Variants in COL21A1 observed in about 807,000 individuals in gnomAD.
COL21A1 encodes the protein collagen alpha-1(XXI) chain.
A neutral mutation model predicts 137.9 loss-of-function variants in COL21A1; 149 were observed. That is an observed-to-expected ratio of 1.08 (90% confidence interval 0.95 to 1.24). The LOEUF (loss-of-function observed/expected upper bound fraction) is 1.24. Among genes scored for constraint, COL21A1 ranks in the 50% most tolerant of loss-of-function variants. The pLI is 0.00. For missense variants in COL21A1, 1,167 were observed against 1,158.4 expected, an observed-to-expected ratio of 1.01 and a Z score of -0.11; for synonymous variants, 456 against 391.5, an observed-to-expected ratio of 1.16 and a Z score of -1.95.
chr6:56,166,670 A>G (rs549764119), intron 7 of COL21A1: 2 of 594,590 alleles, frequency 3.4e-6, no homozygotes, highest in Admixed American at 2.7e-5. Flanking sequence ...ACAAAACACA[A>G]CAAGAAAACA....
intron 1 of COL21A1, among the ~76,000 whole-genome samples, chr6:56,366,111 C>T (rs1766093327): frequency 6.6e-6 from 1 of 152,126 alleles, no homozygotes. Context: ...ATGGAGTTTA[C>T]TGGATTCCTT....
intron 1 of COL21A1, among the ~76,000 whole-genome samples, chr6:56,295,090 T>A (rs1485090949): frequency 1.3e-5 from 2 of 152,064 alleles, no homozygotes; most frequent in African/African-American, 2.4e-5. Context: ...ATGATCCATT[T>A]TGAGTTAATT....
At chr6:56,177,195 G>A (rs946761652) in intron 3 of COL21A1, among the ~76,000 whole-genome samples, 9 of 152,198 alleles carry the variant, frequency 5.9e-5, no homozygotes, top group Non-Finnish European at 1.2e-4. Context: ...ATCAGAGAAA[G>A]GAGAGTATTA....
intron 17 of COL21A1, among the ~76,000 whole-genome samples, chr6:56,094,072 C>G (rs1208864291): frequency 6.6e-6 from 1 of 152,106 alleles, no homozygotes; most frequent in African/African-American, 2.4e-5. Flanking sequence ...CCCAAATCAC[C>G]AAGTGCTGGC....
At chr6:56,081,642 G>A (rs530733229) in intron 17 of COL21A1, among the ~76,000 whole-genome samples, 3 of 151,764 alleles carry the variant, frequency 2.0e-5, no homozygotes, top group Admixed American at 1.3e-4. Flanking sequence ...ACTTACACTC[G>A]CAGTTGCCAG....
rs534350596 is a variant in COL21A1, at chr6:56,191,690, G to A, written c.-38-9034C>T. 4.5e-5 allele frequency among the ~76,000 whole-genome samples: 4 copies of A among 89,772 alleles called. No individual in the cohort carries two copies. In the South Asian group the frequency reaches 1.9e-3, roughly 43 times the overall value. The allele number at this position is 89,772 out of a possible 152,430, so 58.9% of individuals were successfully genotyped here. A position where few individuals can be genotyped will look rare whatever the true frequency, so the allele number is the denominator to read the frequency against. ...AATACCTAGGAATACAACTTACAAGGGAAGGACCTCTTCAAGAAGAACTAC... is the reference window on the plus strand; with the variant it reads ...AATACCTAGGAATACAACTTACAAGAGAAGGACCTCTTCAAGAAGAACTAC... On this transcript the variant is annotated intron_variant, in intron 1 of 29. Coordinates refer to ENST00000244728, the MANE Select transcript of COL21A1 (RefSeq NM_030820.4).
At chr6:56,386,029 A>T (rs2094017396) in intron 1 of COL21A1, among the ~76,000 whole-genome samples, 1 of 151,664 alleles carries the variant, frequency 6.6e-6, no homozygotes, top group Admixed American at 6.6e-5. Context: ...CTTCCCTGTT[A>T]TGTAAAACAG....
chr6:56,119,607 C>T (rs1772271277), intron 16 of COL21A1, among the ~76,000 whole-genome samples: 1 of 152,010 alleles, frequency 6.6e-6, no homozygotes, highest in South Asian at 2.1e-4. Context: ...CAAAGCTATC[C>T]TAAGCATAAG....
At chr6:56,388,001 G>A (rs1469701328) in intron 1 of COL21A1, among the ~76,000 whole-genome samples, 1 of 152,160 alleles carries the variant, frequency 6.6e-6, no homozygotes, top group Non-Finnish European at 1.5e-5. Context: ...CTCCAAGAGA[G>A]ACTACCTCCA....
intron 1 of COL21A1, among the ~76,000 whole-genome samples, chr6:56,254,115 C>T (rs1003523719): frequency 6.6e-6 from 1 of 152,208 alleles, no homozygotes; most frequent in Non-Finnish European, 1.5e-5. Context: ...GCTTAGCTCA[C>T]ATTTCTCATA....
chr6:56,098,074 TATATAA>T (rs373453661), intron 17 of COL21A1, among the ~76,000 whole-genome samples: 2 of 43,094 alleles, frequency 4.6e-5, no homozygotes, highest in Non-Finnish European at 7.2e-5. Context: ...TATATAAATA[TATATAA>T]ATATAAATAT....
chr6:56,060,755 G>A lies in COL21A1; in HGVS notation c.2393C>T (p.Thr798Ile). The change falls in exon 27 of 30, where the codon ACA becomes ATA. Residue 798 changes from threonine (T) to isoleucine (I), a missense_variant. Thr to Ile is a moderately conservative substitution (Grantham distance 89). Coordinates refer to ENST00000244728, the MANE Select transcript of COL21A1 (RefSeq NM_030820.4). ...TTGATACCTACCTCTTATTACATCT[G>A]TGCAAACTTGTCGAATAAATTGTTC... ...FSEQFIRQVC[T>I]DVIRAQLPVL... is the part of the protein sequence containing the mutation. The A allele has an allele frequency of 1.2e-6, 2 of 1,608,934 alleles. No homozygotes were observed. The highest frequency in any genetic ancestry group is 1.7e-6 in the Non-Finnish European group (2 of 1,178,618).
intron 1 of COL21A1, among the ~76,000 whole-genome samples, chr6:56,382,008 A>C (rs1467134713): frequency 6.6e-6 from 1 of 152,226 alleles, no homozygotes; most frequent in Non-Finnish European, 1.5e-5. Flanking sequence ...GATGCAAATT[A>C]TTCCTGATGA....
chr6:56,295,008 CAA>C (rs1764130628), intron 1 of COL21A1, among the ~76,000 whole-genome samples: 1 of 151,888 alleles, frequency 6.6e-6, no homozygotes. Flanking sequence ...ATAAAAAAGT[CAA>C]AGTCACTTAA....
chr6:56,237,917 T>G (rs921367575), intron 1 of COL21A1, among the ~76,000 whole-genome samples: 4 of 152,174 alleles, frequency 2.6e-5, no homozygotes, highest in African/African-American at 9.6e-5. Context: ...AGCTGTATTC[T>G]ATAAAGCCTC....
intron 1 of COL21A1, among the ~76,000 whole-genome samples, chr6:56,379,717 C>A (rs908904420): frequency 6.6e-6 from 1 of 151,974 alleles, no homozygotes; most frequent in South Asian, 2.1e-4. Flanking sequence ...CATAGGATTT[C>A]GTATTTAATA....
chr6:56,168,160 T>G lies in COL21A1; in HGVS notation c.1164A>C (p.Gln388His). Reference protein sequence around the residue: ...VLGILINGQTQIGKYSGKEET... With the variant: ...VLGILINGQTHIGKYSGKEET... Reference sequence around the variant, plus strand: ...CTTCTTTTCCAGAATATTTTCCAATTTGGGTTTGCCCATTGATCAAGATCC... The same window carrying G: ...CTTCTTTTCCAGAATATTTTCCAATGTGGGTTTGCCCATTGATCAAGATCC... The change falls in exon 6 of 30, where the codon CAA becomes CAC. Residue 388 changes from glutamine to histidine, a missense_variant. Physicochemically the swap from Gln to His is conservative, Grantham distance 24. Transcript: ENST00000244728. The G allele has an allele frequency of 6.5e-7, 1 of 1,537,616 alleles. No homozygotes were observed. Among genetic ancestry groups the G allele is most frequent in the Non-Finnish European group, 8.8e-7 (1 of 1,137,906 alleles).
At chr6:56,217,972 T>C (rs781368800) in intron 1 of COL21A1, among the ~76,000 whole-genome samples, 1 of 152,102 alleles carries the variant, frequency 6.6e-6, no homozygotes, top group Non-Finnish European at 1.5e-5. Context: ...CTGTCTCACA[T>C]GAGAATGACA....
chr6:56,098,050 T>A (rs1178801937), intron 17 of COL21A1, among the ~76,000 whole-genome samples: 4 of 49,242 alleles, frequency 8.1e-5, no homozygotes, highest in African/African-American at 2.8e-4. Context: ...TAAATATATA[T>A]AAATATATAT....
Sources: gnomAD v4.1 joint callset for allele counts (sites outside exome capture counted in the v4.1 genomes callset) on GRCh38, gnomAD v4.1.1 for gene constraint, MANE v1.5 for transcripts, NCBI Gene and HGNC (gene_info 2026-07-23, HGNC 2026-07-21) for gene names.